STK3: variants seen among roughly 807,000 people sequenced by gnomAD.
STK3 encodes the protein serine/threonine kinase 3, also known as serine/threonine-protein kinase 3.
A neutral mutation model predicts 58.0 loss-of-function variants in STK3; 41 were observed. That is an observed-to-expected ratio of 0.71 (90% CI 0.55 to 0.92). The LOEUF is 0.92. STK3 is among the 40% of genes least tolerant of loss of function. The pLI is 0.00. For missense variants in STK3, 479 were observed against 602.7 expected (o/e 0.79, Z 2.15); for synonymous variants, 170 against 191.0 (o/e 0.89, Z 0.91).
rs57447680 is a variant in STK3, at chr8:98,416,364, GTTTTTTTTTT to G, written n.484-14861_484-14852del. 2.5e-5 allele frequency among the ~76,000 whole-genome samples: 2 copies of G among 79,532 alleles called. 1 individual carries two copies. Among genetic ancestry groups the G allele is most frequent in the Non-Finnish European group, 4.7e-5 (2 of 42,370 alleles). 52.2% of individuals were successfully genotyped at this position (79,532 alleles called of 152,430 possible). A position where few individuals can be genotyped will look rare whatever the true frequency, so the allele number is the denominator to read the frequency against. On this transcript the variant is annotated intron_variant and non_coding_transcript_variant, in intron 3 of 3. Coordinates refer to the STK3 transcript ENST00000517832. ...CAAAAATAATCTTGTGTTTGAAACT[GTTTTTTTTTT>G]TTTTTTTTTTTTGCTAAGTGATTTG...
intron 3 of STK3, among the ~76,000 whole-genome samples, chr8:98,851,359 A>G (rs1253363922): frequency 1.3e-5 from 2 of 152,168 alleles, no homozygotes; most frequent in African/African-American, 2.4e-5. Context: ...TAGTATAGAG[A>G]AAGGCTCTTG....
downstream of STK3, among the ~76,000 whole-genome samples, chr8:98,454,401 G>A (rs1005750104): frequency 4.6e-5 from 7 of 152,310 alleles, no homozygotes; most frequent in East Asian, 1.4e-3. Flanking sequence ...TATCTCAGAT[G>A]GTTGAGGCCC....
At chr8:98,521,551 C>G (rs1398774903) in intron 10 of STK3, among the ~76,000 whole-genome samples, 1 of 152,084 alleles carries the variant, frequency 6.6e-6, no homozygotes, top group Admixed American at 6.6e-5. Context: ...TCTTAAGATA[C>G]TTTTCATCAT....
At chr8:98,580,195 C>T (rs1813755353) in intron 7 of STK3, among the ~76,000 whole-genome samples, 1 of 152,094 alleles carries the variant, frequency 6.6e-6, no homozygotes, top group South Asian at 2.1e-4. Flanking sequence ...AGTTGACAGC[C>T]AAAATCAGTG....
At chr8:98,784,884 T>C (rs1300122723) in intron 1 of STK3, among the ~76,000 whole-genome samples, 2 of 151,900 alleles carry the variant, frequency 1.3e-5, no homozygotes, top group Admixed American at 6.6e-5. Context: ...TCAGAGCATC[T>C]GCTCACCTGA....
At chr8:98,517,354 A>G (rs1825012841) in intron 10 of STK3, among the ~76,000 whole-genome samples, 1 of 152,058 alleles carries the variant, frequency 6.6e-6, no homozygotes, top group Admixed American at 6.6e-5. Flanking sequence ...AACCAACCTA[A>G]TGAGGGCTTT....
chr8:98,772,620 A>G (rs1050306956), intron 2 of STK3, among the ~76,000 whole-genome samples: 1 of 151,992 alleles, frequency 6.6e-6, no homozygotes, highest in Non-Finnish European at 1.5e-5. Flanking sequence ...AATCCCTTGA[A>G]CCCGGGAGAA....
At chr8:98,717,633 A>C (rs1428906051) in intron 4 of STK3, among the ~76,000 whole-genome samples, 1 of 152,048 alleles carries the variant, frequency 6.6e-6, no homozygotes, top group African/African-American at 2.4e-5. Context: ...AGTTAAACAT[A>C]AAATTACCTT....
the STK3 span, among the ~76,000 whole-genome samples, chr8:98,366,173 C>T: frequency 6.6e-6 from 1 of 152,062 alleles, no homozygotes; most frequent in East Asian, 1.9e-4. Flanking sequence ...CTGTTTTTAC[C>T]AAGCTAATAA....
intron 6 of STK3, among the ~76,000 whole-genome samples, chr8:98,694,318 C>T (rs942457817): frequency 6.6e-6 from 1 of 152,012 alleles, no homozygotes; most frequent in African/African-American, 2.4e-5. Context: ...AGTGTAAGGA[C>T]ACAGAGATAG....
the STK3 span, among the ~76,000 whole-genome samples, chr8:98,354,022 G>A: frequency 2.0e-5 from 3 of 152,298 alleles, no homozygotes; most frequent in Admixed American, 2.0e-4. Flanking sequence ...GCAGGCCTGA[G>A]CCTGTGTGCC....
chr8:98,373,049 G>A (rs7845274), intron 2 of STK3, among the ~76,000 whole-genome samples: 93,709 of 151,808 alleles, frequency 0.62, 29,584 homozygotes, highest in Non-Finnish European at 0.67. Context: ...AGCACTGTAG[G>A]AGGGGAAAGA....
intron 4 of STK3, among the ~76,000 whole-genome samples, chr8:98,708,939 G>T (rs1587373559): frequency 6.6e-6 from 1 of 151,500 alleles, no homozygotes; most frequent in Admixed American, 6.6e-5. Flanking sequence ...CTTCAGGATG[G>T]GAGCTGGTTG....
intron 4 of STK3, among the ~76,000 whole-genome samples, chr8:98,741,010 A>T (rs533741584): frequency 2.6e-4 from 39 of 152,316 alleles, no homozygotes; most frequent in Admixed American, 8.5e-4. Context: ...GCCATTACAT[A>T]ATGGTAGAGG....
rs935704886 is a variant in STK3 at position 98,800,724 on chromosome 8, G to A, written c.26+24791C>T. Among the ~76,000 whole-genome samples the A allele has an allele frequency of 1.3e-5, 2 of 152,212 alleles. No homozygotes were observed. The highest frequency in any genetic ancestry group is 2.9e-5 in the Non-Finnish European group (2 of 68,032). ...CCAGCCCTGGGCAGTGAAGGGCTTA[G>A]CACCCGGGCCAGCAGCTGCGGAAGG... On this transcript the variant is annotated intron_variant, in intron 1 of 10. Transcript: ENST00000419617. This position sits in a 1 kb window ranked among gnomAD's most constrained non-coding sequence, Gnocchi z 4.8.
intron 10 of STK3, among the ~76,000 whole-genome samples, chr8:98,501,025 A>G (rs111930069): frequency 0.011 from 1,733 of 152,288 alleles, 41 homozygotes; most frequent in African/African-American, 0.04. Flanking sequence ...CACTCCCAGC[A>G]ACAGTGTAAA....
chr8:98,931,982 G>C (rs932040496), intron 1 of STK3, among the ~76,000 whole-genome samples: 2 of 152,168 alleles, frequency 1.3e-5, no homozygotes, highest in African/African-American at 4.8e-5. Context: ...TAGCAAACCA[G>C]ATAATCCAAA....
intron 4 of STK3, among the ~76,000 whole-genome samples, chr8:98,711,760 T>C (rs141419602): frequency 3.4e-4 from 51 of 152,224 alleles, no homozygotes; most frequent in Admixed American, 1.6e-3. Flanking sequence ...CAGGCTACCA[T>C]TGAAATTCAG....
Position 98,655,281 on chromosome 8 carries a change from C to T in STK3, c.684+51186G>A, listed in dbSNP as rs1421459004. ...CGGTGCTGGGAAAACTGGCTAGCGA[C>T]ATGTAGAAAGCTGAAACTGGATCCC... On this transcript the variant is annotated intron_variant, in intron 6 of 10. Transcript: ENST00000419617. 4.6e-5 allele frequency among the ~76,000 whole-genome samples: 7 copies of T among 152,058 alleles called. No homozygotes were observed. The South Asian group carries it at 6.2e-4, about 13-fold the overall frequency.
Sources: gnomAD v4.1 joint callset for allele counts (sites outside exome capture counted in the v4.1 genomes callset) on GRCh38, gnomAD v4.1.1 for gene constraint, Gnocchi (gnomAD v3.1) non-coding constraint, MANE v1.5 for transcripts, NCBI Gene and HGNC (gene_info 2026-07-23, HGNC 2026-07-21) for gene names.